GSG1: variants seen among roughly 807,000 people sequenced by gnomAD.
GSG1 encodes germ cell associated 1.
GSG1 carries 28 observed loss-of-function variants against 30.8 expected under a neutral mutation model. The ratio of observed to expected loss-of-function variants is 0.91; its 90% CI spans 0.67 to 1.25. The LOEUF (loss-of-function observed/expected upper bound fraction) is 1.25. Ranked by LOEUF, GSG1 falls within the 50% of genes most tolerant of loss-of-function variation. The pLI, the probability that GSG1 is intolerant of heterozygous loss-of-function variation, is 0.00. For synonymous variants in GSG1, 162 were observed against 178.0 expected, an observed-to-expected ratio of 0.91 and a Z score of 0.71; for missense variants, 435 against 444.7, an observed-to-expected ratio of 0.98 and a Z score of 0.20.
chr12:13,095,851 G>A, intron 1 of GSG1: 1 of 1,359,470 alleles, frequency 7.4e-7, no homozygotes, highest in Non-Finnish European at 9.7e-7. Flanking sequence ...TTACACCAGA[G>A]AGCTTGCCAA....
intron 2 of GSG1, among the ~76,000 whole-genome samples, chr12:13,090,148 G>T (rs967772945): frequency 6.6e-6 from 1 of 152,232 alleles, no homozygotes; most frequent in African/African-American, 2.4e-5. Flanking sequence ...TTTCTAAACA[G>T]CAATTCTAGC....
At chr12:13,092,109 G>C (rs1206806365) in intron 1 of GSG1, among the ~76,000 whole-genome samples, 2 of 152,234 alleles carry the variant, frequency 1.3e-5, no homozygotes, top group Non-Finnish European at 2.9e-5. Flanking sequence ...ATCCACCAGA[G>C]AGGACAAATT....
chr12:13,097,191 C>T lies in GSG1; in HGVS notation c.48+6274G>A, dbSNP rs530328388. On this transcript the variant is annotated intron_variant, in intron 1 of 6. Coordinates refer to ENST00000651961, the MANE Select transcript of GSG1 (RefSeq NM_001080555.4). The stretch of plus-strand genomic sequence containing the variant: ...CTGCATGGACTTTCATCCTCCAAGC[C>T]TTTGCTGATGCTCTTCCTTCTGCCT... 1.8e-4 allele frequency among the ~76,000 whole-genome samples: 28 copies of T among 152,302 alleles called. 1 individual carries two copies. Among genetic ancestry groups the T allele is most frequent in the Admixed American group, 1.8e-3 (27 of 15,298 alleles).
chr12:13,095,020 TGGAC>T (rs1389397174), intron 1 of GSG1, among the ~76,000 whole-genome samples: 3 of 152,220 alleles, frequency 2.0e-5, no homozygotes, highest in Non-Finnish European at 4.4e-5. Flanking sequence ...AAAAAGAGCT[TGGAC>T]TGAAGCTCAA....
At chr12:13,087,361 G>T (rs1265451449) in intron 5 of GSG1, 98 bp from the exon 6 acceptor site, 6 of 848,210 alleles carry the variant, frequency 7.1e-6, no homozygotes, top group Non-Finnish European at 2.0e-6. Flanking sequence ...GTCAGGCGCA[G>T]CCTCTGTTGG....
intron 5 of GSG1, 110 bp from the exon 6 acceptor site, chr12:13,087,373 G>C: frequency 1.3e-6 from 1 of 747,268 alleles, no homozygotes; most frequent in Admixed American, 2.1e-5. Flanking sequence ...CTCTGTTGGA[G>C]TAGCCCATTA....
intron 1 of GSG1, among the ~76,000 whole-genome samples, chr12:13,095,053 G>A (rs1301212641): frequency 6.6e-6 from 1 of 152,104 alleles, no homozygotes; most frequent in Non-Finnish European, 1.5e-5. Context: ...CTTCCAGAAG[G>A]AGTGTCCACC....
At chr12:13,088,124 GCATAGGATGCCTA>G in intron 4 of GSG1, 65 bp from the exon 5 acceptor site, 1 of 1,573,904 alleles carries the variant, frequency 6.4e-7, no homozygotes, top group Non-Finnish European at 8.7e-7. Context: ...TAAGCGGTGA[GCATAGGATGCCTA>G]TTAGGAGTTA....
intron 4 of GSG1, among the ~76,000 whole-genome samples, chr12:13,088,426 C>A (rs1296484124): frequency 2.0e-5 from 3 of 152,160 alleles, no homozygotes; most frequent in Admixed American, 2.0e-4. Context: ...CTCCCTTCTT[C>A]ACTCTTTTCC....
chr12:13,085,095 G>A lies in GSG1; in HGVS notation c.895C>T (p.Pro299Ser). Residue 299 changes from proline to serine, a missense_variant, in exon 7 of 7, where the codon CCT becomes TCT. Physicochemically the swap from Pro to Ser is moderately conservative, Grantham distance 74 (BLOSUM62 -1). Transcript: ENST00000651961. Reference protein sequence around the residue: ...NCLPHHHQCFPRRLSSAAPTV... With the variant: ...NCLPHHHQCFSRRLSSAAPTV... ...GGGGCTGCACTTGACAGCCGCCGAG[G>A]GAAACACTGATGGTGATGTGGTAGG... The A allele has an allele frequency of 6.2e-7, 1 of 1,613,968 alleles. No individual in the cohort carries two copies. Among genetic ancestry groups the A allele is most frequent in the South Asian group, 1.1e-5 (1 of 91,032 alleles).
At chr12:13,094,227 G>A (rs553056429) in intron 1 of GSG1, among the ~76,000 whole-genome samples, 1 of 152,256 alleles carries the variant, frequency 6.6e-6, no homozygotes, top group South Asian at 2.1e-4. Context: ...GAAACAATTT[G>A]TTCTTCAGAA....
Sources: gnomAD v4.1 joint callset for allele counts (sites outside exome capture counted in the v4.1 genomes callset) on GRCh38, gnomAD v4.1.1 for gene constraint, MANE v1.5 for transcripts, NCBI Gene and HGNC (gene_info 2026-07-23, HGNC 2026-07-21) for gene names.